The following CLNK variants were observed in gnomAD, a reference collection of about 807,000 sequenced individuals.
CLNK encodes the protein cytokine-dependent hematopoietic cell linker.
Under a neutral mutation model 68.6 loss-of-function variants are expected in CLNK, and 74 were observed. The observed-to-expected ratio is 1.08, with a 90% CI of 0.89 to 1.31. CLNK has a LOEUF of 1.31. CLNK is among the 50% of genes most tolerant of loss of function. CLNK has a pLI of 0.00. For missense variants in CLNK, 553 were observed against 515.3 expected (o/e 1.07, Z -0.71); for synonymous variants, 198 against 172.2 (o/e 1.15, Z -1.17).
the CLNK span, among the ~76,000 whole-genome samples, chr4:10,691,707 C>T: frequency 6.6e-6 from 1 of 152,150 alleles, no homozygotes; most frequent in Non-Finnish European, 1.5e-5. Context: ...ATTCCCTGTG[C>T]AGAGGCTAAA....
chr4:10,536,333 GT>G (rs1718759905), intron 11 of CLNK, among the ~76,000 whole-genome samples: 1 of 152,192 alleles, frequency 6.6e-6, no homozygotes, highest in Non-Finnish European at 1.5e-5. Context: ...TGTTCCTTCT[GT>G]TTTCAGAGCA....
At chr4:10,511,170 A>T (rs7698935) in intron 16 of CLNK, among the ~76,000 whole-genome samples, 144,359 of 149,326 alleles carry the variant, frequency 0.97, 69,759 homozygotes, top group Middle Eastern at 0.99. Context: ...AAAAAAAATT[A>T]AAAAAAAAAA....
chr4:10,712,288 C>T, the CLNK span, among the ~76,000 whole-genome samples: 1 of 152,114 alleles, frequency 6.6e-6, no homozygotes, highest in African/African-American at 2.4e-5. Context: ...CTTAAGTCCC[C>T]TGCAGTGGAG....
At chr4:10,616,787 T>TAC (rs1253895804) in intron 2 of CLNK, among the ~76,000 whole-genome samples, 23 of 13,482 alleles carry the variant, frequency 1.7e-3, no homozygotes, top group African/African-American at 2.9e-3. Flanking sequence ...TATGTGTGTG[T>TAC]GTGTATATAT....
chr4:10,650,058 T>G (rs1346293558), intron 2 of CLNK, among the ~76,000 whole-genome samples: 6 of 152,234 alleles, frequency 3.9e-5, no homozygotes, highest in Non-Finnish European at 8.8e-5. Flanking sequence ...GAAAAGGAAC[T>G]TTCATATAAA....
chr4:10,623,803 C>T (rs917609104), intron 2 of CLNK, among the ~76,000 whole-genome samples: 48 of 152,202 alleles, frequency 3.2e-4, no homozygotes, highest in African/African-American at 1.1e-3. Context: ...ATGAAAAATA[C>T]ATTTGCTACA....
intron 17 of CLNK, among the ~76,000 whole-genome samples, chr4:10,503,772 CTTTTTTTTTTTTT>C (rs869102696): frequency 6.3e-5 from 4 of 63,284 alleles, no homozygotes; most frequent in African/African-American, 2.2e-4. Flanking sequence ...CATTTAGAGA[CTTTTTTTTTTTTT>C]TTTTTTTTTT....
chr4:10,495,375 A>T (rs1306176178), intron 18 of CLNK, among the ~76,000 whole-genome samples: 1 of 152,174 alleles, frequency 6.6e-6, no homozygotes, highest in Non-Finnish European at 1.5e-5. Flanking sequence ...CTGATGTTCT[A>T]CCAATCTCAT....
chr4:10,501,150 C>G, intron 18 of CLNK, 106 bp downstream of exon 18: 1 of 1,178,536 alleles, frequency 8.5e-7, no homozygotes, highest in Non-Finnish European at 1.2e-6. Context: ...GACTGCATCC[C>G]TCTCCTTCAG....
intron 7 of CLNK, among the ~76,000 whole-genome samples, chr4:10,559,355 T>G (rs1400112306): frequency 6.6e-6 from 1 of 152,132 alleles, no homozygotes; most frequent in Admixed American, 6.6e-5. Context: ...CTTCTTTTGG[T>G]TATATCTAAT....
At chr4:10,509,105 CAAAAAAAAAA>C (rs35503820) in intron 16 of CLNK, among the ~76,000 whole-genome samples, 1 of 105,474 alleles carries the variant, frequency 9.5e-6, no homozygotes, top group East Asian at 2.7e-4. Flanking sequence ...GACTCGGTCT[CAAAAAAAAAA>C]AAAAAAAAAG....
chr4:10,515,024 G>T (rs569967577), intron 15 of CLNK, among the ~76,000 whole-genome samples: 1 of 152,312 alleles, frequency 6.6e-6, no homozygotes, highest in Admixed American at 6.5e-5. Flanking sequence ...GATCACCTGA[G>T]GTCAGGAGTT....
At chr4:10,518,300 A>G (rs1315958575) in intron 15 of CLNK, among the ~76,000 whole-genome samples, 1 of 152,220 alleles carries the variant, frequency 6.6e-6, no homozygotes, top group Non-Finnish European at 1.5e-5. Context: ...CTCCATCAAG[A>G]CTAGCTGTTG....
chr4:10,575,446 C>T (rs953764002), intron 4 of CLNK, among the ~76,000 whole-genome samples: 1 of 152,258 alleles, frequency 6.6e-6, no homozygotes, highest in Non-Finnish European at 1.5e-5. Context: ...TCCCTGACTA[C>T]CGGTGTCAAG....
chr4:10,640,175 CT>C (rs201827210), intron 2 of CLNK, among the ~76,000 whole-genome samples: 2 of 149,886 alleles, frequency 1.3e-5, no homozygotes, highest in African/African-American at 2.4e-5. Context: ...TTTTTTGTCT[CT>C]TTTTTTTGAG....
the CLNK span, among the ~76,000 whole-genome samples, chr4:10,720,916 G>A: frequency 6.6e-6 from 1 of 151,920 alleles, no homozygotes; most frequent in African/African-American, 2.4e-5. Flanking sequence ...TGGAAACAAT[G>A]CAAGTGTCCT....
At chr4:10,504,588 C>T (rs1717212643) in intron 17 of CLNK, among the ~76,000 whole-genome samples, 1 of 152,176 alleles carries the variant, frequency 6.6e-6, no homozygotes, top group African/African-American at 2.4e-5. Context: ...ATACACAAGC[C>T]TCTGACTATA....
chr4:10,531,886 C>T (rs1577110709), intron 12 of CLNK: 2 of 472,274 alleles, frequency 4.2e-6, no homozygotes, highest in Non-Finnish European at 8.3e-6. Context: ...ACTTTGCATT[C>T]CTGTATTTCT....
chr4:10,496,495 A>G (rs1716813860), intron 18 of CLNK, among the ~76,000 whole-genome samples: 1 of 152,238 alleles, frequency 6.6e-6, no homozygotes, highest in South Asian at 2.1e-4. Context: ...GAGGGAAGGC[A>G]GGAAGAACCA....
Sources: allele counts gnomAD v4.1 joint callset (sites outside exome capture counted in the v4.1 genomes callset), GRCh38; gene constraint gnomAD v4.1.1; transcripts MANE v1.5; gene names NCBI Gene and HGNC (gene_info 2026-07-23, HGNC 2026-07-21).